The following DSCAM variants were observed in gnomAD, a reference collection of about 807,000 sequenced individuals.
DSCAM encodes cell adhesion molecule DSCAM.
Under a neutral mutation model 217.7 loss-of-function variants are expected in DSCAM, and 47 were observed. The observed-to-expected ratio is 0.22, with a 90% CI of 0.17 to 0.28. DSCAM has a LOEUF of 0.28. DSCAM is among the 10% of genes least tolerant of loss of function. The pLI is 1.00. For synonymous variants in DSCAM, 1,056 were observed against 1,015.3 expected (o/e 1.04, Z -0.76); for missense variants, 2,080 against 2,618.3 (o/e 0.79, Z 4.49).
rs1416783657 is a variant in DSCAM at position 40,088,736 on chromosome 21, A to T, written c.3851-1449T>A. On this transcript the variant is annotated intron_variant, in intron 21 of 32. Coordinates refer to ENST00000400454, the MANE Select transcript of DSCAM (RefSeq NM_001389.5). ...GCTTTTGGCATTTTCTTTTTCACAC[A>T]CTTCAGACAGTTCTTTAGAGAGTAG... Among the ~76,000 whole-genome samples, 4 of 152,200 alleles carry T rather than the reference A, an allele frequency of 2.6e-5. No individual in the cohort carries two copies. In the East Asian group the frequency reaches 7.7e-4, roughly 29 times the overall value.
rs1330516832 is a variant in DSCAM, at chr21:40,724,653, A to G, written c.44-15882T>C. On this transcript the variant is annotated intron_variant, in intron 1 of 32. Transcript: ENST00000400454. ...TCATTTCTCCTATGATTAAAGAAGA[A>G]AATGAATTATAACCAGAGACTGACT... Among the ~76,000 whole-genome samples, 4 of 152,346 alleles carry G rather than the reference A, an allele frequency of 2.6e-5. No individual in the cohort carries two copies. The East Asian group carries it at 7.7e-4, about 29-fold the overall frequency.
Position 40,693,414 on chromosome 21 carries a change from GA to G in DSCAM, c.362-459del, listed in dbSNP as rs994521658. The stretch of plus-strand genomic sequence containing the variant: ...TATCACTGCACCCAGCCTGGGTGAA[GA>G]AAAAAAAATACACTACACTCTATAC... On this transcript the variant is annotated intron_variant, in intron 2 of 32. Coordinates refer to ENST00000400454, the MANE Select transcript of DSCAM (RefSeq NM_001389.5). Among the ~76,000 whole-genome samples, 7 of 150,420 alleles carry G rather than the reference GA, an allele frequency of 4.7e-5. No individual in the cohort carries two copies. The East Asian group carries it at 1.4e-3, about 29-fold the overall frequency.
intron 14 of DSCAM, among the ~76,000 whole-genome samples, chr21:40,185,372 G>A (rs994897763): frequency 6.6e-6 from 1 of 152,212 alleles, no homozygotes; most frequent in Non-Finnish European, 1.5e-5. Context: ...AAGCGAGGGT[G>A]CAGAGCTGGT....
chr21:40,611,338 C>T (rs1486367744), intron 3 of DSCAM, among the ~76,000 whole-genome samples: 3 of 151,900 alleles, frequency 2.0e-5, no homozygotes, highest in Non-Finnish European at 2.9e-5. Flanking sequence ...ATTACAGGTG[C>T]GAGCCACTGT....
At chr21:40,033,386 C>T (rs2088568085) in intron 32 of DSCAM, among the ~76,000 whole-genome samples, 1 of 152,202 alleles carries the variant, frequency 6.6e-6, no homozygotes, top group Non-Finnish European at 1.5e-5. Context: ...CAGGGAGTTC[C>T]CTTTCCTAGT....
At chr21:40,614,689 G>C (rs550185674) in intron 3 of DSCAM, among the ~76,000 whole-genome samples, 1 of 152,156 alleles carries the variant, frequency 6.6e-6, no homozygotes, top group South Asian at 2.1e-4. Flanking sequence ...GGTAACAGTT[G>C]TATGTCCAGT....
Position 40,081,662 on chromosome 21 carries a change from C to T in DSCAM, c.4232-1322G>A, listed in dbSNP as rs1215715022. The stretch of plus-strand genomic sequence containing the variant: ...CTGCTTTCCTCCCACTTTCCACCCT[C>T]GAAGCCACCTCAAAAAACTCCTCTA... On this transcript the variant is annotated intron_variant, in intron 24 of 32. Transcript: ENST00000400454. 3.3e-5 allele frequency among the ~76,000 whole-genome samples: 5 copies of T among 152,284 alleles called. No homozygotes were observed. The South Asian group carries it at 8.3e-4, about 25-fold the overall frequency.
At chr21:40,710,307 A>T (rs2090765656) in intron 1 of DSCAM, among the ~76,000 whole-genome samples, 1 of 152,214 alleles carries the variant, frequency 6.6e-6, no homozygotes, top group Non-Finnish European at 1.5e-5. Flanking sequence ...AATAAAGAGA[A>T]TTTTGACAAA....
chr21:40,264,131 A>G (rs1486584849), intron 11 of DSCAM, among the ~76,000 whole-genome samples: 1 of 152,100 alleles, frequency 6.6e-6, no homozygotes, highest in African/African-American at 2.4e-5. Context: ...CATTCAAAAA[A>G]GAATTGGTAC....
intron 3 of DSCAM, among the ~76,000 whole-genome samples, chr21:40,596,282 A>T (rs959223461): frequency 1.3e-5 from 2 of 152,180 alleles, no homozygotes; most frequent in African/African-American, 4.8e-5. Flanking sequence ...CAGCTTTCTG[A>T]TACTTGCTTT....
chr21:40,048,689 T>C (rs771390964), intron 30 of DSCAM, among the ~76,000 whole-genome samples: 34 of 152,214 alleles, frequency 2.2e-4, no homozygotes, highest in Non-Finnish European at 4.3e-4. Flanking sequence ...AGAATCACGA[T>C]GTGTTCTCTA....
intron 2 of DSCAM, among the ~76,000 whole-genome samples, chr21:40,694,822 C>G (rs1458623104): frequency 6.6e-6 from 1 of 151,368 alleles, no homozygotes; most frequent in Non-Finnish European, 1.5e-5. Flanking sequence ...ATAAGTAAAC[C>G]TTTGCTGGGA....
chr21:40,280,194 T>TG (rs1212853849), intron 10 of DSCAM, among the ~76,000 whole-genome samples: 1 of 150,306 alleles, frequency 6.7e-6, no homozygotes, highest in Non-Finnish European at 1.5e-5. Context: ...TTTTTTTTTT[T>TG]TTTTTGAGAC....
intron 3 of DSCAM, among the ~76,000 whole-genome samples, chr21:40,539,331 T>C (rs1250301934): frequency 6.6e-6 from 1 of 151,850 alleles, no homozygotes; most frequent in Non-Finnish European, 1.5e-5. Flanking sequence ...TCGTCTCTAC[T>C]AAAAATACAA....
intron 2 of DSCAM, among the ~76,000 whole-genome samples, chr21:40,697,952 A>G (rs754519891): frequency 2.0e-5 from 3 of 152,172 alleles, no homozygotes; most frequent in Non-Finnish European, 1.5e-5. Context: ...TAATTCTTCC[A>G]ATCAACGAGC....
chr21:40,555,293 C>T (rs2076662230), intron 3 of DSCAM, among the ~76,000 whole-genome samples: 1 of 152,120 alleles, frequency 6.6e-6, no homozygotes, highest in South Asian at 2.1e-4. Context: ...ATTTAAAACA[C>T]AGCTCTTTAA....
chr21:40,166,912 G>A (rs998427275), intron 16 of DSCAM, among the ~76,000 whole-genome samples: 13 of 151,558 alleles, frequency 8.6e-5, no homozygotes, highest in African/African-American at 2.7e-4. Context: ...GATGAAATGA[G>A]AGCATGCAGT....
At chr21:40,770,707 C>T (rs9974052) in intron 1 of DSCAM, among the ~76,000 whole-genome samples, 47,889 of 151,870 alleles carry the variant, frequency 0.32, 7,944 homozygotes, top group African/African-American at 0.4. Context: ...CTACAGGAGG[C>T]GAATGTTATT....
intron 1 of DSCAM, among the ~76,000 whole-genome samples, chr21:40,833,866 T>A (rs7277154): frequency 0.16 from 24,249 of 152,080 alleles, 2,005 homozygotes; most frequent in African/African-American, 0.18. Context: ...TTGAACTGGA[T>A]CATTCTTTGT....
Sources: gnomAD v4.1 joint callset for allele counts (sites outside exome capture counted in the v4.1 genomes callset) on GRCh38, gnomAD v4.1.1 for gene constraint, MANE v1.5 for transcripts, NCBI Gene and HGNC (gene_info 2026-07-23, HGNC 2026-07-21) for gene names.